PIK3C2A: variants seen among roughly 807,000 people sequenced by gnomAD.
The protein encoded by PIK3C2A is phosphatidylinositol 4-phosphate 3-kinase C2 domain-containing subunit alpha.
Under a neutral mutation model 204.5 loss-of-function variants are expected in PIK3C2A, and 97 were observed. The observed-to-expected ratio is 0.47, with a 90% CI of 0.40 to 0.56. The LOEUF is 0.56. PIK3C2A is among the 20% of genes least tolerant of loss of function. The pLI is 0.00. For missense variants in PIK3C2A, 1,735 were observed against 1,969.2 expected, an observed-to-expected ratio of 0.88 and a Z score of 2.25; for synonymous variants, 653 against 664.4, an observed-to-expected ratio of 0.98 and a Z score of 0.26.
chr11:17,141,555 T>A (rs1850065741), intron 8 of PIK3C2A, among the ~76,000 whole-genome samples: 1 of 152,250 alleles, frequency 6.6e-6, no homozygotes, highest in Admixed American at 6.5e-5. Context: ...AAATCTTACA[T>A]AAACCACGTT....
intron 1 of PIK3C2A, among the ~76,000 whole-genome samples, chr11:17,196,306 G>C (rs1233729533): frequency 6.6e-6 from 1 of 152,284 alleles, no homozygotes; most frequent in Middle Eastern, 3.4e-3. Context: ...GGCAGACACA[G>C]TCATGTGATC....
rs560186545 is a variant in PIK3C2A at position 17,088,057 on chromosome 11, T to C, written c.*1681A>G. The C allele has an allele frequency of 6.6e-6, 1 of 152,262 alleles. No individual in the cohort carries two copies. The highest frequency in any genetic ancestry group is 6.5e-5 in the Admixed American group (1 of 15,300). 9.4% of individuals were successfully genotyped at this position (152,262 alleles called of 1,614,324 possible). On this transcript the variant is annotated 3_prime_UTR_variant, in exon 33 of 33. Transcript: ENST00000691414. ...GGGAAACTGAATTGGCGATTGTCCT[T>C]TCTCTCTTGGTATTCTTTATTGCAT...
chr11:17,160,722 G>T lies in PIK3C2A; in HGVS notation c.1066-5093C>A, dbSNP rs561133702. ...CCCTGTAGTCCCAGCTACTCAGGAG[G>T]TTGAGGCAGGAGGATGGCTCGAACC... On this transcript the variant is annotated intron_variant, in intron 2 of 32. Coordinates refer to ENST00000691414, the MANE Select transcript of PIK3C2A (RefSeq NM_002645.4). Among the ~76,000 whole-genome samples the T allele has an allele frequency of 2.0e-5, 3 of 152,262 alleles. No individual in the cohort carries two copies. The South Asian group carries it at 6.2e-4, about 32-fold the overall frequency.
At chr11:17,093,638 CT>C (rs1041792390) in intron 28 of PIK3C2A, among the ~76,000 whole-genome samples, 44 of 140,808 alleles carry the variant, frequency 3.1e-4, no homozygotes, top group Non-Finnish European at 5.0e-4. Context: ...TAGCATATGA[CT>C]TTTTTTTTGG....
chr11:17,108,750 C>T (rs1848909282), intron 22 of PIK3C2A, among the ~76,000 whole-genome samples: 1 of 152,254 alleles, frequency 6.6e-6, no homozygotes, highest in African/African-American at 2.4e-5. Flanking sequence ...GACACTATGC[C>T]CACCCTTTTG....
chr11:17,135,267 T>C, intron 9 of PIK3C2A, 108 bp from the exon 10 acceptor site: 3 of 980,428 alleles, frequency 3.1e-6, no homozygotes, highest in Non-Finnish European at 4.7e-6. Context: ...CTCCCAAGTA[T>C]CTACAGAATT....
intron 23 of PIK3C2A, 118 bp from the exon 24 acceptor site, chr11:17,102,949 A>G: frequency 3.2e-6 from 2 of 629,594 alleles, no homozygotes; most frequent in South Asian, 4.6e-5. Flanking sequence ...CACTCTCTCA[A>G]TAGCATACAA....
intron 13 of PIK3C2A, among the ~76,000 whole-genome samples, chr11:17,125,512 G>A (rs1849493181): frequency 6.6e-6 from 1 of 151,920 alleles, no homozygotes; most frequent in South Asian, 2.1e-4. Context: ...ATTATCTAAA[G>A]ATTTTCACTG....
intron 10 of PIK3C2A, 35 bp downstream of exon 10, chr11:17,135,076 G>A (rs1485519364): frequency 1.2e-6 from 2 of 1,611,838 alleles, no homozygotes; most frequent in Non-Finnish European, 1.7e-6. Flanking sequence ...AAAAGGCGAT[G>A]ATTATTGCTA....
chr11:17,119,906 A>C lies in PIK3C2A; in HGVS notation c.2726T>G (p.Leu909Arg). Residue 909 changes from leucine (L) to arginine (R), a missense_variant, in exon 16 of 33, where the codon CTT (leucine) becomes CGT (arginine). By Grantham distance (102) the Leu-to-Arg change is moderately radical. Transcript: ENST00000691414. ...RYYCFKHPNC[L>R]PKILASAPNW... is the part of the protein sequence containing the mutation. ...TGGGGCGCTTGCTAATATTTTAGGA[A>C]GACAATTTGGGTGTTTGAAGCAATA... The C allele has an allele frequency of 2.5e-6, 4 of 1,611,470 alleles. No homozygotes were observed. The highest frequency in any genetic ancestry group is 3.4e-6 in the Non-Finnish European group (4 of 1,178,482).
chr11:17,151,683 T>A (rs1314800003), intron 3 of PIK3C2A, among the ~76,000 whole-genome samples: 1 of 152,156 alleles, frequency 6.6e-6, no homozygotes, highest in Non-Finnish European at 1.5e-5. Flanking sequence ...TACTACTACT[T>A]ACCTGATAGG....
intron 27 of PIK3C2A, among the ~76,000 whole-genome samples, chr11:17,095,540 G>A (rs1029708337): frequency 6.6e-6 from 1 of 151,118 alleles, no homozygotes; most frequent in South Asian, 2.1e-4. Flanking sequence ...GCAGTGAGCT[G>A]AGATCACACC....
chr11:17,111,882 CAAA>C (rs201931743), intron 21 of PIK3C2A, among the ~76,000 whole-genome samples: 4 of 31,434 alleles, frequency 1.3e-4, no homozygotes, highest in Admixed American at 4.2e-4. Flanking sequence ...GTCTCCAAAA[CAAA>C]AAAAAAAAAA....
At chr11:17,146,668 C>T (rs1850254861) in intron 6 of PIK3C2A, among the ~76,000 whole-genome samples, 1 of 151,264 alleles carries the variant, frequency 6.6e-6, no homozygotes, top group Admixed American at 6.6e-5. Flanking sequence ...TTGCAGTGAG[C>T]TAAGATCACA....
intron 1 of PIK3C2A, among the ~76,000 whole-genome samples, chr11:17,178,800 G>A (rs1851431167): frequency 7.0e-6 from 1 of 143,194 alleles, no homozygotes; most frequent in South Asian, 2.2e-4. Flanking sequence ...CGCAATCTCA[G>A]CTCACTGCAA....
chr11:17,174,736 T>C (rs1851285839), intron 1 of PIK3C2A, among the ~76,000 whole-genome samples: 1 of 151,790 alleles, frequency 6.6e-6, no homozygotes, highest in South Asian at 2.1e-4. Flanking sequence ...CCATCTCTAC[T>C]AAAAATACAG....
chr11:17,122,592 A>C lies in PIK3C2A; in HGVS notation c.2511+110T>G, dbSNP rs181795139. The C allele has an allele frequency of 9.0e-6, 6 of 665,358 alleles. No individual in the cohort carries two copies. The African/African-American group carries it at 1.1e-4, about 12-fold the overall frequency. 41.2% of individuals were successfully genotyped at this position (665,358 alleles called of 1,614,324 possible). ...AAAATAGAAGATAGATCCTGAGACT[A>C]AAACAAGATCAGTTAGGTTTCTTTA... On this transcript the variant is annotated intron_variant, in intron 14 of 32. Coordinates refer to ENST00000691414, the MANE Select transcript of PIK3C2A (RefSeq NM_002645.4).
chr11:17,140,044 C>T (rs904872750), intron 8 of PIK3C2A, among the ~76,000 whole-genome samples: 13 of 152,156 alleles, frequency 8.5e-5, no homozygotes, highest in African/African-American at 2.9e-4. Context: ...ACCCCTACTG[C>T]CATCCTGACT....
In PIK3C2A at chr11:17,169,498, C is replaced by G. The variant is rs752147607; in HGVS notation, c.244G>C (p.Asp82His). 18 of 1,613,720 alleles carry G rather than the reference C, an allele frequency of 1.1e-5. No individual in the cohort carries two copies. The highest frequency in any genetic ancestry group is 1.7e-5 in the Admixed American group (1 of 59,892). ...DYDLMVFPES[D>H]SQKRALDIDV... is the part of the protein sequence containing the mutation. ...ATATCTAATGCTCTTTTTTGGGAAT[C>G]TGATTCAGGAAACACCATGAGATCA... The change falls in exon 2 of 33, where the codon GAT (aspartate) becomes CAT (histidine). Residue 82 changes from aspartate to histidine, a missense_variant. By Grantham distance (81) the Asp-to-His change is moderately conservative. This residue lies in a region of PIK3C2A where 536 missense variants were observed against 546.7 expected (regional missense o/e 0.98). Transcript: ENST00000691414.
Sources: allele counts gnomAD v4.1 joint callset (sites outside exome capture counted in the v4.1 genomes callset), GRCh38; gene constraint gnomAD v4.1.1; regional missense constraint gnomAD v4.1.1; transcripts MANE v1.5; gene names NCBI Gene and HGNC (gene_info 2026-07-23, HGNC 2026-07-21).